ABCC6: variants seen among roughly 807,000 people sequenced by gnomAD.
The protein encoded by ABCC6 is ATP binding cassette subfamily C member 6, also known as ATP-binding cassette sub-family C member 6.
In ABCC6, 126 loss-of-function variants were observed where a neutral mutation model predicts 169.5. The observed-to-expected ratio is 0.74, with a 90% CI of 0.64 to 0.86. ABCC6 has a LOEUF of 0.86. Ranked by LOEUF, ABCC6 falls within the 40% of genes least tolerant of loss-of-function variation. ABCC6 has a pLI of 0.00. For synonymous variants in ABCC6, 752 were observed against 814.7 expected (o/e 0.92, Z 1.31); for missense variants, 1,733 against 1,927.2 (o/e 0.90, Z 1.89).
intron 10 of ABCC6, among the ~76,000 whole-genome samples, chr16:16,195,747 G>A (rs1360344055): frequency 6.6e-6 from 1 of 152,100 alleles, no homozygotes; most frequent in African/African-American, 2.4e-5. Flanking sequence ...CTGTCTGAGT[G>A]CCTTATGTTG....
At chr16:16,197,659 G>A (rs551145565) in intron 10 of ABCC6, among the ~76,000 whole-genome samples, 43 of 142,620 alleles carry the variant, frequency 3.0e-4, no homozygotes, top group Non-Finnish European at 5.2e-4. Context: ...GAGGGGGTGC[G>A]TGGGCAGAAG....
chr16:16,220,903 A>C (rs4013174), intron 2 of ABCC6, among the ~76,000 whole-genome samples: 1 of 152,066 alleles, frequency 6.6e-6, no homozygotes, highest in Non-Finnish European at 1.5e-5. Context: ...ATCTCAAAAA[A>C]AAAAAACAAA....
intron 17 of ABCC6, among the ~76,000 whole-genome samples, chr16:16,181,078 T>C (rs1445017572): frequency 6.6e-6 from 1 of 151,744 alleles, no homozygotes; most frequent in Admixed American, 6.6e-5. Context: ...CGGAGCTGGG[T>C]GGATCACTTG....
intron 6 of ABCC6, among the ~76,000 whole-genome samples, chr16:16,210,321 G>A (rs182670766): frequency 1.2e-3 from 187 of 151,754 alleles, no homozygotes; most frequent in African/African-American, 4.0e-3. Flanking sequence ...ATTTTTAGTA[G>A]AGATGGGGTT....
chr16:16,186,977 C>G, intron 14 of ABCC6, 147 bp downstream of exon 14: 1 of 714,778 alleles, frequency 1.4e-6, no homozygotes, highest in Non-Finnish European at 2.4e-6. Flanking sequence ...TTCCAAGTGA[C>G]ACGCAGATGG....
In ABCC6 at chr16:16,223,493, CT is replaced by C. The variant is rs2049139100; in HGVS notation, c.-60del. The C allele has an allele frequency of 2.8e-6, 4 of 1,439,500 alleles. No individual in the cohort carries two copies. The highest frequency in any genetic ancestry group is 3.6e-6 in the Non-Finnish European group (4 of 1,101,752). 89.2% of individuals were successfully genotyped at this position (1,439,500 alleles called of 1,614,324 possible). A position where few individuals can be genotyped will look rare whatever the true frequency, so the allele number is the denominator to read the frequency against. The stretch of plus-strand genomic sequence containing the variant: ...GTCTGTCGCTAAGTCTCTGGGCAGA[CT>C]GCTCGGCCGCGATCCTGCCGGAGAA... On this transcript the variant is annotated 5_prime_UTR_variant, in exon 1 of 31. Coordinates refer to ENST00000205557, the MANE Select transcript of ABCC6 (RefSeq NM_001171.6).
intron 5 of ABCC6, among the ~76,000 whole-genome samples, chr16:16,213,460 T>G (rs920666234): frequency 6.6e-6 from 1 of 152,118 alleles, no homozygotes; most frequent in Admixed American, 6.6e-5. Flanking sequence ...GTTTCTTGAT[T>G]TCACAGACTG....
At chr16:16,161,690 T>C in intron 24 of ABCC6, 126 bp from the exon 25 acceptor site, 4 of 1,285,632 alleles carry the variant, frequency 3.1e-6, no homozygotes, top group Non-Finnish European at 4.4e-6. Context: ...GGCCTCCACA[T>C]GCAACCCAGG....
chr16:16,163,040 G>T lies in ABCC6; in HGVS notation c.3459C>A (p.Arg1153=), dbSNP rs59030767. The change falls in exon 24 of 31, where the codon CGC becomes CGA. Residue 1153 remains arginine, a synonymous_variant. Transcript: ENST00000205557. Reference sequence around the variant, plus strand: ...AACTGATCCTCTGGCTTTCATCTACGCGAGCATTGTTCTGAGCCACAAAGG... The same window carrying T: ...AACTGATCCTCTGGCTTTCATCTACTCGAGCATTGTTCTGAGCCACAAAGG... ...QAPFVAQNNA[R]VDESQRISFP... The T allele has an allele frequency of 1.9e-6, 3 of 1,614,026 alleles. No individual in the cohort carries two copies. Among genetic ancestry groups the T allele is most frequent in the Admixed American group, 3.3e-5 (2 of 60,026 alleles).
At chr16:16,215,605 CTGGGATTACAGGCATG>C (rs1224948855) in intron 4 of ABCC6, among the ~76,000 whole-genome samples, 1 of 151,282 alleles carries the variant, frequency 6.6e-6, no homozygotes, top group Non-Finnish European at 1.5e-5. Context: ...TCCTGAGTAG[CTGGGATTACAGGCATG>C]TGCCACGACC....
chr16:16,211,028 G>A lies in ABCC6; in HGVS notation c.662+1157C>T, dbSNP rs140581618. 4.5e-3 allele frequency among the ~76,000 whole-genome samples: 678 copies of A among 151,994 alleles called. 3 individuals are homozygous for A. Among genetic ancestry groups the A allele is most frequent in the Non-Finnish European group, 7.8e-3 (527 of 67,982 alleles). ...GAGAATTGCTTGAACCTGGGAGGTGGAGGTTGCAGTGAGCTGAGATTGTGC... is the reference window on the plus strand; with the variant it reads ...GAGAATTGCTTGAACCTGGGAGGTGAAGGTTGCAGTGAGCTGAGATTGTGC... On this transcript the variant is annotated intron_variant, in intron 6 of 30. Transcript: ENST00000205557.
intron 20 of ABCC6, 81 bp from the exon 21 acceptor site, chr16:16,173,485 A>T: frequency 6.4e-7 from 1 of 1,554,192 alleles, no homozygotes; most frequent in Non-Finnish European, 8.9e-7. Flanking sequence ...AGGCCCACTG[A>T]CAGCCACTGA....
chr16:16,151,296 T>C (rs2046381313), intron 29 of ABCC6, among the ~76,000 whole-genome samples: 1 of 152,116 alleles, frequency 6.6e-6, no homozygotes, highest in South Asian at 2.1e-4. Flanking sequence ...TCTCAGGTGA[T>C]CCACCTACCT....
chr16:16,182,807 G>C lies in ABCC6; in HGVS notation c.2067C>G (p.Ile689Met), dbSNP rs61266641. 2 of 1,613,936 alleles carry C rather than the reference G, an allele frequency of 1.2e-6. No homozygotes were observed. Among genetic ancestry groups the C allele is most frequent in the East Asian group, 2.2e-5 (1 of 44,856 alleles). The change falls in exon 16 of 31, where the codon ATC (isoleucine) becomes ATG (methionine). Residue 689 changes from isoleucine to methionine, a missense_variant. Physicochemically the swap from Ile to Met is conservative, Grantham distance 10. This residue lies in a region of ABCC6 where 1,601 missense variants were observed against 1,635.5 expected (regional missense o/e 0.98). Coordinates refer to ENST00000205557, the MANE Select transcript of ABCC6 (RefSeq NM_001171.6). ...ELSKVEGFVS[I>M]EGAVAYVPQE... is the part of the protein sequence containing the mutation. ...GACAGGCTGGGGGTGGCCTCACCTC[G>C]ATGCTCACGAACCCCTCCACCTTTG...
chr16:16,171,692 T>C (rs1191010977), intron 21 of ABCC6, among the ~76,000 whole-genome samples: 1 of 152,032 alleles, frequency 6.6e-6, no homozygotes, highest in South Asian at 2.1e-4. Context: ...GTGGGATAGA[T>C]GGATGGGTAA....
At chr16:16,160,236 C>T (rs993237717) in intron 25 of ABCC6, among the ~76,000 whole-genome samples, 9 of 152,194 alleles carry the variant, frequency 5.9e-5, no homozygotes, top group Non-Finnish European at 1.3e-4. Context: ...TGCCACCCAA[C>T]ATGCTCCAGC....
At chr16:16,182,669 C>A (rs1369152179) in intron 16 of ABCC6, 81 bp from the exon 17 acceptor site, 16 of 1,590,722 alleles carry the variant, frequency 1.0e-5, no homozygotes, top group Non-Finnish European at 1.3e-5. Context: ...GGGAGCTGGG[C>A]TCTCAGTGGT....
rs762345158 is a variant in ABCC6 at position 16,157,830 on chromosome 16, G to A, written c.3736-21C>T. On this transcript the variant is annotated intron_variant, in intron 26 of 30. Coordinates refer to ENST00000205557, the MANE Select transcript of ABCC6 (RefSeq NM_001171.6). Reference sequence around the variant, plus strand: ...GGAGCCTGGAGCAGGAGGGGAAACTGAGTCAGAGGAGCCTTCCTCTAAGAC... The same window carrying A: ...GGAGCCTGGAGCAGGAGGGGAAACTAAGTCAGAGGAGCCTTCCTCTAAGAC... 4.4e-6 allele frequency: 7 copies of A among 1,603,604 alleles called. No individual in the cohort carries two copies. The Admixed American group carries it at 1.2e-4, about 27-fold the overall frequency.
chr16:16,172,678 C>T (rs1369868128), intron 21 of ABCC6, among the ~76,000 whole-genome samples: 2 of 152,040 alleles, frequency 1.3e-5, no homozygotes, highest in African/African-American at 4.8e-5. Flanking sequence ...TCAGATTGGC[C>T]TAGATTTGAG....
Sources: allele counts gnomAD v4.1 joint callset (sites outside exome capture counted in the v4.1 genomes callset), GRCh38; gene constraint gnomAD v4.1.1; regional missense constraint gnomAD v4.1.1; transcripts MANE v1.5; gene names NCBI Gene and HGNC (gene_info 2026-07-23, HGNC 2026-07-21).